The following B4GALNT3 variants were observed in gnomAD, a reference collection of about 807,000 sequenced individuals.
B4GALNT3 encodes the protein beta-1,4-N-acetylgalactosaminyltransferase 3.
In B4GALNT3, 86 loss-of-function variants were observed where a neutral mutation model predicts 120.2. The observed-to-expected ratio is 0.72, with a 90% CI of 0.60 to 0.86. The LOEUF (loss-of-function observed/expected upper bound fraction) is 0.86. Among genes scored for constraint, B4GALNT3 ranks in the 40% least tolerant of loss-of-function variants. B4GALNT3 has a pLI of 0.00. For synonymous variants in B4GALNT3, 518 were observed against 510.4 expected (o/e 1.01, Z -0.20); for missense variants, 1,167 against 1,298.9 (o/e 0.90, Z 1.56).
intron 1 of B4GALNT3, among the ~76,000 whole-genome samples, chr12:494,599 G>A (rs1946371651): frequency 6.6e-6 from 1 of 152,146 alleles, no homozygotes; most frequent in African/African-American, 2.4e-5. Context: ...TAACTTGTAT[G>A]GCTTCGGAGA....
At chr12:527,063 C>T (rs1946764680) in intron 1 of B4GALNT3, among the ~76,000 whole-genome samples, 1 of 152,092 alleles carries the variant, frequency 6.6e-6, no homozygotes, top group Admixed American at 6.6e-5. Context: ...AGGTGCGCAC[C>T]ACCACGCCCA....
chr12:499,003 A>G (rs1946415322), intron 1 of B4GALNT3, among the ~76,000 whole-genome samples: 1 of 152,202 alleles, frequency 6.6e-6, no homozygotes, highest in African/African-American at 2.4e-5. Context: ...GGACAGGATA[A>G]TGGAGCTTTG....
intron 1 of B4GALNT3, among the ~76,000 whole-genome samples, chr12:532,735 G>A (rs1946819905): frequency 1.3e-5 from 2 of 152,030 alleles, no homozygotes; most frequent in Admixed American, 1.3e-4. Flanking sequence ...CAAGGATGAG[G>A]TCTTGTAAAA....
At chr12:541,830 T>C (rs922217396) in intron 3 of B4GALNT3, among the ~76,000 whole-genome samples, 327 of 40,022 alleles carry the variant, frequency 8.2e-3, no homozygotes, top group South Asian at 0.014. Context: ...CCCTGCCCAG[T>C]CCCCCCCCTC....
At chr12:552,036 T>C in intron 11 of B4GALNT3, 27 bp from the exon 12 acceptor site, 1 of 1,509,248 alleles carries the variant, frequency 6.6e-7, no homozygotes, top group Non-Finnish European at 9.2e-7. Flanking sequence ...ACTCTCTTAC[T>C]CCTGCTGCTG....
At chr12:469,946 A>G (rs4980920) in intron 1 of B4GALNT3, among the ~76,000 whole-genome samples, 137,172 of 152,104 alleles carry the variant, frequency 0.9, 62,722 homozygotes, top group South Asian at 0.99. Context: ...GCCACCGCGC[A>G]TGGCCAGTTA....
chr12:512,641 A>C (rs1038649309), intron 1 of B4GALNT3, among the ~76,000 whole-genome samples: 2 of 68,944 alleles, frequency 2.9e-5, no homozygotes, highest in African/African-American at 6.4e-5. Context: ...TCCGCCTTCC[A>C]CCTTCCACCT....
chr12:478,339 T>C (rs1425453774), intron 1 of B4GALNT3, among the ~76,000 whole-genome samples: 1 of 151,912 alleles, frequency 6.6e-6, no homozygotes, highest in African/African-American at 2.4e-5. Flanking sequence ...AATTCAATTT[T>C]GCTTTGATGC....
intron 1 of B4GALNT3, among the ~76,000 whole-genome samples, chr12:466,808 A>G (rs1184241112): frequency 1.3e-5 from 2 of 152,202 alleles, no homozygotes; most frequent in Non-Finnish European, 2.9e-5. Flanking sequence ...CATAACTACA[A>G]AAGGCCTGAT....
chr12:511,729 T>TCGACCTTCCGCCTTCCG (rs1312305057), intron 1 of B4GALNT3, among the ~76,000 whole-genome samples: 1 of 40,198 alleles, frequency 2.5e-5, no homozygotes, highest in Non-Finnish European at 4.2e-5. Context: ...CCTTCCACCT[T>TCGACCTTCCGCCTTCCG]CCTTCCACCT....
chr12:476,081 G>T lies in B4GALNT3; in HGVS notation c.169+15536G>T, dbSNP rs61547343. ...TGGCATAGTGGTGAGAAGCTTTGAA[G>T]TCAGACTACGTGACTTTGATCCCCG... On this transcript the variant is annotated intron_variant, in intron 1 of 19. Transcript: ENST00000266383. 2.9e-3 allele frequency among the ~76,000 whole-genome samples: 439 copies of T among 152,296 alleles called. 3 individuals carry two copies. The highest frequency in any genetic ancestry group is 0.01 in the African/African-American group (429 of 41,564).
chr12:463,543 C>T (rs1946045853), intron 1 of B4GALNT3, among the ~76,000 whole-genome samples: 1 of 152,142 alleles, frequency 6.6e-6, no homozygotes, highest in African/African-American at 2.4e-5. Flanking sequence ...TTTCTAGCAT[C>T]TACAGCTTCA....
intron 1 of B4GALNT3, among the ~76,000 whole-genome samples, chr12:492,774 A>C (rs1946355346): frequency 6.6e-6 from 1 of 152,226 alleles, no homozygotes; most frequent in South Asian, 2.1e-4. Flanking sequence ...TAAGTAGATC[A>C]ATGGAATGGA....
rs542670110 is a variant in B4GALNT3, at chr12:521,701, G to A, written c.170-13465G>A. On this transcript the variant is annotated intron_variant, in intron 1 of 19. Transcript: ENST00000266383. Reference sequence around the variant, plus strand: ...TCCAAAATGCCACGTTCAGTGGGACGATTCCACTGACACGTTGATGTTGCC... The same window carrying A: ...TCCAAAATGCCACGTTCAGTGGGACAATTCCACTGACACGTTGATGTTGCC... Among the ~76,000 whole-genome samples the A allele has an allele frequency of 4.6e-5, 7 of 152,300 alleles. No individual in the cohort carries two copies. In the South Asian group the frequency reaches 8.3e-4, roughly 18 times the overall value.
chr12:559,205 A>T, intron 18 of B4GALNT3, 90 bp from the exon 19 acceptor site: 1 of 1,543,870 alleles, frequency 6.5e-7, no homozygotes, highest in South Asian at 1.1e-5. Flanking sequence ...TGACTTTCAG[A>T]AGAGCCTCTA....
chr12:560,771 T>C (rs1290799840), intron 19 of B4GALNT3, among the ~76,000 whole-genome samples: 3 of 152,176 alleles, frequency 2.0e-5, no homozygotes, highest in Non-Finnish European at 4.4e-5. Flanking sequence ...TCCTGCCTCC[T>C]CGGAGGCTCA....
rs1161330371 is a variant in B4GALNT3, at chr12:545,477, C to T, written c.639+8C>T. The T allele has an allele frequency of 1.3e-6, 2 of 1,590,560 alleles. No individual in the cohort carries two copies. The highest frequency in any genetic ancestry group is 8.6e-7 in the Non-Finnish European group (1 of 1,168,582). Reference sequence around the variant, plus strand: ...CTGGCCAGTGTGGGCAAGGTAAGGCCAGCTCAACCCCGGTCCCTCCCATCT... The same window carrying T: ...CTGGCCAGTGTGGGCAAGGTAAGGCTAGCTCAACCCCGGTCCCTCCCATCT... On this transcript the variant is annotated splice_region_variant and intron_variant, in intron 6 of 19. Transcript: ENST00000266383.
chr12:557,605 T>A lies in B4GALNT3; in HGVS notation c.2381-3T>A. On this transcript the variant is annotated splice_region_variant and splice_polypyrimidine_tract_variant and intron_variant, in intron 15 of 19. Coordinates refer to ENST00000266383, the MANE Select transcript of B4GALNT3 (RefSeq NM_173593.4). ...CCTTCTCCTGCCTGACCCCCTGGGG[T>A]AGTGAAGAACCAGGCACGCTGGGTA... The A allele has an allele frequency of 6.2e-7, 1 of 1,608,342 alleles. No homozygotes were observed. The highest frequency in any genetic ancestry group is 8.5e-7 in the Non-Finnish European group (1 of 1,178,042).
intron 1 of B4GALNT3, among the ~76,000 whole-genome samples, chr12:506,676 A>G (rs558899887): frequency 1.6e-4 from 25 of 152,054 alleles, no homozygotes; most frequent in African/African-American, 4.1e-4. Context: ...TCACTCTGTC[A>G]CCCAGGCTGG....
Sources: allele counts gnomAD v4.1 joint callset (sites outside exome capture counted in the v4.1 genomes callset), GRCh38; gene constraint gnomAD v4.1.1; transcripts MANE v1.5; gene names NCBI Gene and HGNC (gene_info 2026-07-23, HGNC 2026-07-21).